ARHGAP24: variants seen among roughly 807,000 people sequenced by gnomAD.
ARHGAP24 encodes the protein Rho GTPase activating protein 24.
A neutral mutation model predicts 76.4 loss-of-function variants in ARHGAP24; 50 were observed. That is an observed-to-expected ratio of 0.65 (90% CI 0.52 to 0.83). ARHGAP24 has a LOEUF of 0.83. ARHGAP24 is among the 40% of genes least tolerant of loss of function. The pLI is 0.00. For missense variants in ARHGAP24, 930 were observed against 914.2 expected (o/e 1.02, Z -0.22); for synonymous variants, 345 against 323.3 (o/e 1.07, Z -0.72).
intron 2 of ARHGAP24, among the ~76,000 whole-genome samples, chr4:85,706,372 A>G (rs1474919788): frequency 1.3e-5 from 2 of 152,134 alleles, no homozygotes; most frequent in African/African-American, 2.4e-5. Flanking sequence ...GATAATGTAA[A>G]ATTTCATCTT....
chr4:85,700,908 CTCTT>C (rs1445942153), intron 2 of ARHGAP24, among the ~76,000 whole-genome samples: 4 of 152,200 alleles, frequency 2.6e-5, no homozygotes, highest in Non-Finnish European at 5.9e-5. Flanking sequence ...TAAAATATCT[CTCTT>C]TGTTTGTTTC....
At chr4:85,921,865 T>G (rs371061177) in intron 3 of ARHGAP24, among the ~76,000 whole-genome samples, 16 of 152,130 alleles carry the variant, frequency 1.1e-4, no homozygotes, top group African/African-American at 3.9e-4. Context: ...ATAGTTGAAC[T>G]AACGCCTGAT....
At chr4:85,919,408 T>C (rs1735595199) in intron 3 of ARHGAP24, among the ~76,000 whole-genome samples, 1 of 152,176 alleles carries the variant, frequency 6.6e-6, no homozygotes, top group African/African-American at 2.4e-5. Context: ...GTACAGAGTA[T>C]CTAGTTCATA....
At chr4:85,835,555 CAAA>C (rs76896754) in intron 3 of ARHGAP24, among the ~76,000 whole-genome samples, 14 of 111,860 alleles carry the variant, frequency 1.3e-4, no homozygotes, top group African/African-American at 1.0e-4. Context: ...GACTCCATCT[CAAA>C]AAAAAAAAAA....
chr4:85,561,503 T>C (rs1321933128), intron 1 of ARHGAP24, among the ~76,000 whole-genome samples: 1 of 140,204 alleles, frequency 7.1e-6, no homozygotes, highest in African/African-American at 2.6e-5. Flanking sequence ...AGAAAACTCA[T>C]CTGTTTTCTT....
chr4:85,973,833 GTTTTT>G (rs1199796194), intron 6 of ARHGAP24, among the ~76,000 whole-genome samples: 145 of 42,790 alleles, frequency 3.4e-3, no homozygotes, highest in African/African-American at 0.014. Context: ...GCTGCCTATT[GTTTTT>G]TTTTTTTTTT....
intron 2 of ARHGAP24, among the ~76,000 whole-genome samples, chr4:85,604,547 G>T (rs1205508474): frequency 6.6e-6 from 1 of 152,124 alleles, no homozygotes; most frequent in Non-Finnish European, 1.5e-5. Flanking sequence ...AAATGTTCAT[G>T]ATATTTGTAG....
chr4:85,801,381 G>T (rs939521809), intron 3 of ARHGAP24, among the ~76,000 whole-genome samples: 5 of 152,158 alleles, frequency 3.3e-5, no homozygotes, highest in African/African-American at 9.7e-5. Flanking sequence ...CCTGGGAAAA[G>T]TTATCAAGTC....
intron 3 of ARHGAP24, chr4:85,828,080 C>T: frequency 1.2e-6 from 1 of 846,678 alleles, no homozygotes; most frequent in Non-Finnish European, 1.7e-6. Context: ...AAATTCAGGA[C>T]CTAGACTGTG....
chr4:85,810,767 C>T (rs900974330), intron 3 of ARHGAP24, among the ~76,000 whole-genome samples: 7 of 152,150 alleles, frequency 4.6e-5, no homozygotes, highest in Non-Finnish European at 8.8e-5. Flanking sequence ...TCTTCAGTGT[C>T]ACTTCTTTTT....
At chr4:85,690,482 A>G (rs2110017242) in intron 2 of ARHGAP24, among the ~76,000 whole-genome samples, 1 of 152,216 alleles carries the variant, frequency 6.6e-6, no homozygotes, top group African/African-American at 2.4e-5. Flanking sequence ...TACTGATTCA[A>G]TTTCAGAACT....
chr4:85,974,114 C>A (rs28548602), intron 6 of ARHGAP24, among the ~76,000 whole-genome samples: 1,879 of 151,670 alleles, frequency 0.012, 31 homozygotes, highest in African/African-American at 0.043. Flanking sequence ...CCTCAGCCTC[C>A]CAAAGTGCTG....
At chr4:85,924,172 A>G (rs1735889963) in intron 4 of ARHGAP24, among the ~76,000 whole-genome samples, 1 of 152,220 alleles carries the variant, frequency 6.6e-6, no homozygotes, top group Non-Finnish European at 1.5e-5. Context: ...CAATTGTATC[A>G]AAGAGGAATG....
chr4:85,789,477 A>G (rs1014489066), intron 3 of ARHGAP24, among the ~76,000 whole-genome samples: 2 of 152,144 alleles, frequency 1.3e-5, no homozygotes, highest in Non-Finnish European at 2.9e-5. Flanking sequence ...CTCATCGAGC[A>G]CTGGGAATTA....
intron 3 of ARHGAP24, among the ~76,000 whole-genome samples, chr4:85,865,992 C>G (rs1009398166): frequency 1.3e-5 from 2 of 152,038 alleles, no homozygotes; most frequent in African/African-American, 4.8e-5. Flanking sequence ...ACCTATTTTG[C>G]AAACTGTGCT....
chr4:85,962,933 T>G (rs779918189), intron 5 of ARHGAP24, among the ~76,000 whole-genome samples: 3 of 149,698 alleles, frequency 2.0e-5, no homozygotes, highest in Non-Finnish European at 3.0e-5. Flanking sequence ...GGAGCTTTGA[T>G]TTTTTTTTTC....
At chr4:85,910,122 G>A (rs1005072612) in intron 3 of ARHGAP24, among the ~76,000 whole-genome samples, 1 of 152,196 alleles carries the variant, frequency 6.6e-6, no homozygotes, top group African/African-American at 2.4e-5. Context: ...CAGCCAGGCT[G>A]CGGCTAGACC....
intron 2 of ARHGAP24, among the ~76,000 whole-genome samples, chr4:85,715,145 C>T (rs1414961350): frequency 2.6e-5 from 4 of 151,954 alleles, no homozygotes; most frequent in African/African-American, 9.7e-5. Flanking sequence ...CACTAATCAT[C>T]CTTATCAACA....
At chr4:85,673,838 A>C (rs1046913563) in intron 2 of ARHGAP24, among the ~76,000 whole-genome samples, 1 of 151,550 alleles carries the variant, frequency 6.6e-6, no homozygotes, top group Non-Finnish European at 1.5e-5. Flanking sequence ...GAACCCCAAA[A>C]TCTGGTTCCT....
Sources: allele counts gnomAD v4.1 joint callset (sites outside exome capture counted in the v4.1 genomes callset), GRCh38; gene constraint gnomAD v4.1.1; transcripts MANE v1.5; gene names NCBI Gene and HGNC (gene_info 2026-07-23, HGNC 2026-07-21).